TUB: variants seen among roughly 807,000 people sequenced by gnomAD.
TUB encodes TUB bipartite transcription factor.
In TUB, 33 loss-of-function variants were observed where a neutral mutation model predicts 59.7. The ratio of observed to expected loss-of-function variants is 0.55; its 90% CI spans 0.42 to 0.74. The LOEUF (loss-of-function observed/expected upper bound fraction) is 0.74, where lower values mean the gene tolerates loss of function less well. Among genes scored for constraint, TUB ranks in the 30% least tolerant of loss-of-function variants. The pLI is 0.00. For missense variants in TUB, 659 were observed against 672.0 expected, an observed-to-expected ratio of 0.98 and a Z score of 0.21; for synonymous variants, 293 against 256.4, an observed-to-expected ratio of 1.14 and a Z score of -1.36.
intron 1 of TUB, among the ~76,000 whole-genome samples, chr11:8,083,861 G>C (rs1310757182): frequency 6.6e-6 from 1 of 152,232 alleles, no homozygotes; most frequent in African/African-American, 2.4e-5. Context: ...CACGCACTGA[G>C]TGTGGCAAAG....
intron 1 of TUB, among the ~76,000 whole-genome samples, chr11:8,087,822 G>C (rs932718780): frequency 2.6e-5 from 4 of 152,188 alleles, no homozygotes; most frequent in South Asian, 2.1e-4. Context: ...GGCATTTTGC[G>C]CTCTGGTCCT....
intron 9 of TUB, 85 bp downstream of exon 9, chr11:8,098,960 C>A: frequency 3.0e-6 from 3 of 987,018 alleles, no homozygotes; most frequent in Non-Finnish European, 4.8e-6. Flanking sequence ...CTATCCCATC[C>A]ATCTTAGTGG....
At position 8,090,225 on chromosome 11, in the gene TUB, T is replaced by C; in HGVS notation, c.247T>C (p.Tyr83His). Residue 83 changes from tyrosine to histidine, a missense_variant, in exon 3 of 12, where the codon TAC (tyrosine) becomes CAC (histidine). Coordinates refer to ENST00000299506, the MANE Select transcript of TUB (RefSeq NM_177972.3). ...SYLSSSGSTS[Y>H]QVQEADSLAS... ...CCTCAGCAGCAGTGGCAGCACCAGC[T>C]ACCAAGGTATACCTTGCCTGCTGCC... is the stretch of plus-strand genomic sequence containing the variant. The C allele has an allele frequency of 6.2e-7, 1 of 1,613,230 alleles. No homozygotes were observed. The highest frequency in any genetic ancestry group is 8.5e-7 in the Non-Finnish European group (1 of 1,179,758).
intron 2 of TUB, among the ~76,000 whole-genome samples, chr11:8,043,005 CTG>C (rs1174832004): frequency 6.6e-6 from 1 of 152,104 alleles, no homozygotes; most frequent in Non-Finnish European, 1.5e-5. Context: ...ATGTAAGAAA[CTG>C]TAGGATTTTT....
chr11:8,067,222 C>G (rs79195348), intron 2 of TUB, among the ~76,000 whole-genome samples: 6,033 of 152,296 alleles, frequency 0.04, 177 homozygotes, highest in Non-Finnish European at 0.059. Flanking sequence ...CATATGAGAG[C>G]CGGCACAGGG....
chr11:8,047,338 C>A (rs533623331), intron 2 of TUB, among the ~76,000 whole-genome samples: 16 of 152,176 alleles, frequency 1.1e-4, no homozygotes, highest in Non-Finnish European at 1.9e-4. Flanking sequence ...TAAACTCTAT[C>A]ACAAGTCTTA....
intron 2 of TUB, among the ~76,000 whole-genome samples, chr11:8,070,516 T>C (rs1008773178): frequency 6.6e-6 from 1 of 152,246 alleles, no homozygotes; most frequent in East Asian, 1.9e-4. Flanking sequence ...GGTTTTCTTG[T>C]TGATTCCCTT....
chr11:8,040,493 G>A (rs1942731131), intron 2 of TUB, among the ~76,000 whole-genome samples: 2 of 152,182 alleles, frequency 1.3e-5, no homozygotes, highest in Admixed American at 1.3e-4. Flanking sequence ...GGTTTCTGAT[G>A]GGGTTTGTGA....
rs1239178477 is a variant in TUB, at chr11:8,019,482, C to A, written c.56+124C>A. The A allele has an allele frequency of 1.1e-5, 11 of 1,020,746 alleles. No individual in the cohort carries two copies. The East Asian group carries it at 3.7e-4, about 35-fold the overall frequency. 63.2% of individuals were successfully genotyped at this position (1,020,746 alleles called of 1,614,324 possible). On this transcript the variant is annotated intron_variant, in intron 1 of 11. Transcript: ENST00000534099. ...CGACCCCCAGGGTGGGCTTGGGCAC[C>A]CGGACCCTCGGGCATCCGGGACCCA...
At chr11:8,037,421 C>G (rs143977869), upstream of TUB, among the ~76,000 whole-genome samples, 198 of 152,300 alleles carry the variant, frequency 1.3e-3, 1 homozygote, top group African/African-American at 4.0e-3. Flanking sequence ...ACTTTTGCAC[C>G]CTTCTTCCAT....
intron 2 of TUB, among the ~76,000 whole-genome samples, chr11:8,071,717 C>A: frequency 6.6e-6 from 1 of 152,186 alleles, no homozygotes; most frequent in East Asian, 1.9e-4. Flanking sequence ...TATGGGGAGC[C>A]ACAGCATGAC....
intron 10 of TUB, 53 bp downstream of exon 10, chr11:8,100,654 G>A: frequency 6.3e-7 from 1 of 1,577,542 alleles, no homozygotes; most frequent in Admixed American, 1.7e-5. Flanking sequence ...GTCTCTGCAT[G>A]AGCTTCTAAG....
chr11:8,080,594 A>T (rs562807964), upstream of TUB, among the ~76,000 whole-genome samples: 3 of 152,308 alleles, frequency 2.0e-5, no homozygotes, highest in Admixed American at 2.0e-4. Context: ...TTATAGGGAT[A>T]TGATGTTTGT....
intron 2 of TUB, among the ~76,000 whole-genome samples, chr11:8,047,096 C>G (rs1942846708): frequency 6.6e-6 from 1 of 152,140 alleles, no homozygotes; most frequent in Non-Finnish European, 1.5e-5. Flanking sequence ...TGTTTACTAT[C>G]TGGTTCCTGT....
At chr11:8,031,801 T>C (rs906598898) in intron 1 of TUB, among the ~76,000 whole-genome samples, 22 of 152,186 alleles carry the variant, frequency 1.4e-4, no homozygotes, top group Admixed American at 6.5e-5. Context: ...CTGGAACAGC[T>C]TGGGGGCCAC....
In TUB at chr11:8,101,766, G is replaced by A; in HGVS notation, c.*147G>A. On this transcript the variant is annotated 3_prime_UTR_variant, in exon 12 of 12. Coordinates refer to ENST00000299506, the MANE Select transcript of TUB (RefSeq NM_177972.3). ...GTGGGCTCCCTGGCCCAGCCAGCCA[G>A]GAACTGGCTCCTTTGCCTCTGCTAC... 2.9e-6 allele frequency: 4 copies of A among 1,402,636 alleles called. No homozygotes were observed. The South Asian group carries it at 6.0e-5, about 21-fold the overall frequency. 86.9% of individuals were successfully genotyped at this position (1,402,636 alleles called of 1,614,324 possible). A position where few individuals can be genotyped will look rare whatever the true frequency, so the allele number is the denominator to read the frequency against.
chr11:8,055,009 G>C (rs1401656876), intron 2 of TUB, among the ~76,000 whole-genome samples: 1 of 152,300 alleles, frequency 6.6e-6, no homozygotes, highest in East Asian at 1.9e-4. Flanking sequence ...CCCAAGTCTG[G>C]AGCCCAGGCC....
intron 1 of TUB, among the ~76,000 whole-genome samples, chr11:8,085,419 C>A (rs1943647811): frequency 6.6e-6 from 1 of 152,232 alleles, no homozygotes; most frequent in South Asian, 2.1e-4. Context: ...GGCTGGAACT[C>A]CTGTGAGCAG....
intron 2 of TUB, among the ~76,000 whole-genome samples, chr11:8,061,797 G>A (rs1220667334): frequency 3.3e-5 from 5 of 152,040 alleles, no homozygotes; most frequent in Non-Finnish European, 7.4e-5. Flanking sequence ...GTGCTTTTGG[G>A]GAACTCCAAG....
Sources: allele counts gnomAD v4.1 joint callset (sites outside exome capture counted in the v4.1 genomes callset), GRCh38; gene constraint gnomAD v4.1.1; transcripts MANE v1.5; gene names NCBI Gene and HGNC (gene_info 2026-07-23, HGNC 2026-07-21).